GRID2IP: variants seen among roughly 807,000 people sequenced by gnomAD.
GRID2IP encodes the protein Grid2 interacting protein.
A neutral mutation model predicts 114.3 loss-of-function variants in GRID2IP; 78 were observed. That is an observed-to-expected ratio of 0.68 (90% CI 0.57 to 0.82). The LOEUF (loss-of-function observed/expected upper bound fraction) is 0.82, where lower values mean the gene tolerates loss of function less well. Among genes scored for constraint, GRID2IP ranks in the 40% least tolerant of loss-of-function variants. The pLI, the probability that GRID2IP is intolerant of heterozygous loss-of-function variation, is 0.00. For synonymous variants in GRID2IP, 809 were observed against 724.0 expected (o/e 1.12, Z -1.89); for missense variants, 1,727 against 1,678.5 (o/e 1.03, Z -0.51).
chr7:6,514,421 GAGCTCCTGCTC>G lies in GRID2IP; in HGVS notation c.1366_1376del (p.Glu456LeufsTer21). ...GGAAGCATGCGATTTTCTCCTGACA[GAGCTCCTGCTC>G]CTCATAGGTCAGCAGCTGGTAGATG... On this transcript the variant is annotated frameshift_variant, in exon 8 of 22. Coordinates refer to ENST00000457091, the MANE Select transcript of GRID2IP (RefSeq NM_001145118.2). LOFTEE classifies it high-confidence loss of function. The G allele has an allele frequency of 1.3e-6, 2 of 1,547,796 alleles. No individual in the cohort carries two copies. The highest frequency in any genetic ancestry group is 1.7e-6 in the Non-Finnish European group (2 of 1,144,676).
chr7:6,544,533 G>C (rs1362459086), intron 1 of GRID2IP, among the ~76,000 whole-genome samples: 2 of 152,068 alleles, frequency 1.3e-5, no homozygotes, highest in African/African-American at 4.8e-5. Flanking sequence ...ACCCGCCTCA[G>C]CCTCCCAATG....
rs915357231 is a variant in GRID2IP at position 6,510,961 on chromosome 7, G to A, written c.1502C>T (p.Ser501Phe). ...GGACCGGAGGCTGCGGCGGCACATGGAGGAAGCCCGCAGGGAGCTCCGCGG... is the reference window on the plus strand; with the variant it reads ...GGACCGGAGGCTGCGGCGGCACATGAAGGAAGCCCGCAGGGAGCTCCGCGG... ...PQPRSSLRAS[S>F]MCRRSLRSQG... Residue 501 changes from serine (S) to phenylalanine (F), a missense_variant, in exon 9 of 22, where the codon TCC becomes TTC. Transcript: ENST00000457091. 1.1e-5 allele frequency: 17 copies of A among 1,548,070 alleles called. No homozygotes were observed. The highest frequency in any genetic ancestry group is 1.2e-5 in the Non-Finnish European group (14 of 1,145,306).
rs1345159318 is a variant in GRID2IP, at chr7:6,522,422, C to T, written c.920-465G>A. Among the ~76,000 whole-genome samples the T allele has an allele frequency of 2.6e-5, 4 of 152,124 alleles. No homozygotes were observed. In the East Asian group the frequency reaches 5.8e-4, roughly 22 times the overall value. ...GTACTTCTTGAGTCCCTGCTCCATA[C>T]ACTGTTCTTAGCCCCACACAGAAAG... is the stretch of plus-strand genomic sequence containing the variant. On this transcript the variant is annotated intron_variant, in intron 4 of 21. Coordinates refer to ENST00000457091, the MANE Select transcript of GRID2IP (RefSeq NM_001145118.2).
At position 6,516,648 on chromosome 7, in the gene GRID2IP, A is replaced by G. The variant is rs947098409; in HGVS notation, c.1269-2119T>C. 6.6e-6 allele frequency among the ~76,000 whole-genome samples: 1 copy of G among 152,182 alleles called. No individual in the cohort carries two copies. Among genetic ancestry groups the G allele is most frequent in the African/African-American group, 2.4e-5 (1 of 41,450 alleles). ...TGCTTGCCCGCCCGCAGCCACCCAG[A>G]GGCCTAACGCTGTCCCTGTGATGCT... On this transcript the variant is annotated intron_variant, in intron 7 of 21. Coordinates refer to ENST00000457091, the MANE Select transcript of GRID2IP (RefSeq NM_001145118.2). The surrounding 1 kb of genome is among the most constrained non-coding windows in gnomAD (Gnocchi z 4.3).
At position 6,551,042 on chromosome 7, in the gene GRID2IP, T is replaced by G; in HGVS notation, c.395A>C (p.Glu132Ala). The G allele has an allele frequency of 7.8e-7, 1 of 1,274,934 alleles. No individual in the cohort carries two copies. Among genetic ancestry groups the G allele is most frequent in the South Asian group, 2.4e-5 (1 of 41,744 alleles). 79.0% of individuals were successfully genotyped at this position (1,274,934 alleles called of 1,614,324 possible). ...GAACTCTTGGGCCTTGCGCCTGCGCTCTCGGTGCACCGCGTCCGGGCGCTT... is the reference window on the plus strand; with the variant it reads ...GAACTCTTGGGCCTTGCGCCTGCGCGCTCGGTGCACCGCGTCCGGGCGCTT... ...GRKRPDAVHR[E>A]RRRKAQEFSR... Residue 132 changes from glutamate (E) to alanine (A), a missense_variant, in exon 1 of 22, where the codon GAG becomes GCG. By Grantham distance (107) the Glu-to-Ala change is moderately radical. Coordinates refer to ENST00000457091, the MANE Select transcript of GRID2IP (RefSeq NM_001145118.2).
rs915160915 is a variant in GRID2IP at position 6,520,531 on chromosome 7, T to G, written c.1268+47A>C. ...CTGGGATGTGAGTCTAGGCAGGACT[T>G]AGGGCCCACCCAGGGCAGGGCCCCA... is the stretch of plus-strand genomic sequence containing the variant. On this transcript the variant is annotated intron_variant, in intron 7 of 21. Coordinates refer to ENST00000457091, the MANE Select transcript of GRID2IP (RefSeq NM_001145118.2). The surrounding 1 kb of genome is among the most constrained non-coding windows in gnomAD (Gnocchi z 4.6). The G allele has an allele frequency of 1.3e-5, 20 of 1,526,804 alleles. No homozygotes were observed. Among genetic ancestry groups the G allele is most frequent in the Non-Finnish European group, 1.8e-5 (20 of 1,130,158 alleles). 94.6% of individuals were successfully genotyped at this position (1,526,804 alleles called of 1,614,324 possible).
chr7:6,520,817 G>A lies in GRID2IP; in HGVS notation c.1085-56C>T. On this transcript the variant is annotated intron_variant, in intron 6 of 21. Coordinates refer to ENST00000457091, the MANE Select transcript of GRID2IP (RefSeq NM_001145118.2). This position sits in a 1 kb window ranked among gnomAD's most constrained non-coding sequence, Gnocchi z 4.6. ...GTGACTCAGAGTCCCCAGGCCAGGT[G>A]TAGTCTCCCTGGCTTTTGAGGTCAG... 6.7e-7 allele frequency: 1 copy of A among 1,488,054 alleles called. No individual in the cohort carries two copies. The highest frequency in any genetic ancestry group is 9.1e-7 in the Non-Finnish European group (1 of 1,101,062). 92.2% of individuals were successfully genotyped at this position (1,488,054 alleles called of 1,614,324 possible). A position where few individuals can be genotyped will look rare whatever the true frequency, so the allele number is the denominator to read the frequency against.
chr7:6,532,460 C>T lies in GRID2IP; in HGVS notation c.585-5691G>A, dbSNP rs1320412514. On this transcript the variant is annotated intron_variant, in intron 2 of 21. Coordinates refer to ENST00000457091, the MANE Select transcript of GRID2IP (RefSeq NM_001145118.2). The surrounding 1 kb of genome is among the most constrained non-coding windows in gnomAD (Gnocchi z 4.4). ...CCGATCATCGGTCTCTGGTACTGTC[C>T]ACGCACTGCTCCCCAATACACTGCA... Among the ~76,000 whole-genome samples, 1 of 152,174 alleles carries T rather than the reference C, an allele frequency of 6.6e-6. No homozygotes were observed. The highest frequency in any genetic ancestry group is 2.4e-5 in the African/African-American group (1 of 41,436).
intron 10 of GRID2IP, 77 bp from the exon 11 acceptor site, chr7:6,510,477 C>T (rs904654585): frequency 3.4e-5 from 46 of 1,348,020 alleles, no homozygotes; most frequent in Admixed American, 2.3e-4. Context: ...CTGGGTGGGC[C>T]GGGAGGCAGG....
chr7:6,503,721 G>T, intron 15 of GRID2IP, 34 bp from the exon 16 acceptor site: 1 of 1,415,372 alleles, frequency 7.1e-7, no homozygotes, highest in Non-Finnish European at 9.3e-7. Flanking sequence ...GCTGGGCGGG[G>T]CCGGAGCGGG....
intron 7 of GRID2IP, among the ~76,000 whole-genome samples, chr7:6,517,719 A>G (rs1779336508): frequency 6.6e-6 from 1 of 151,868 alleles, no homozygotes; most frequent in Admixed American, 6.6e-5. Flanking sequence ...CCTGGCCAAC[A>G]TGGTGAAACC....
chr7:6,526,186 G>A lies in GRID2IP; in HGVS notation c.919+38C>T, dbSNP rs1160207519. The A allele has an allele frequency of 7.9e-6, 12 of 1,514,044 alleles. No homozygotes were observed. Among genetic ancestry groups the A allele is most frequent in the Non-Finnish European group, 9.9e-6 (11 of 1,113,248 alleles). 93.8% of individuals were successfully genotyped at this position (1,514,044 alleles called of 1,614,324 possible). A position where few individuals can be genotyped will look rare whatever the true frequency, so the allele number is the denominator to read the frequency against. On this transcript the variant is annotated intron_variant, in intron 4 of 21. Coordinates refer to ENST00000457091, the MANE Select transcript of GRID2IP (RefSeq NM_001145118.2). This position sits in a 1 kb window ranked among gnomAD's most constrained non-coding sequence, Gnocchi z 7.6. ...CACGGGGCCCTTCACCCCATCCTGG[G>A]CCTTAGGGACTCTTAGGGCAACCGG...
rs144749086 is a variant in GRID2IP, at chr7:6,543,890, G to A, written c.430-4018C>T. Among the ~76,000 whole-genome samples the A allele has an allele frequency of 5.9e-5, 9 of 152,192 alleles. No individual in the cohort carries two copies. The East Asian group carries it at 1.5e-3, about 26-fold the overall frequency. ...TGGCTCACTGCAACCTCCACCTCCT[G>A]AGTTCAAGCAGTTCTCCTGACTCAG... On this transcript the variant is annotated intron_variant, in intron 1 of 21. Transcript: ENST00000457091.
At chr7:6,538,390 CA>C (rs1779762237) in intron 2 of GRID2IP, among the ~76,000 whole-genome samples, 1 of 135,870 alleles carries the variant, frequency 7.4e-6, no homozygotes, top group Admixed American at 7.4e-5. Flanking sequence ...CAAAACAAAA[CA>C]AAACAAAACA....
At chr7:6,542,323 A>G (rs562945250) in intron 1 of GRID2IP, among the ~76,000 whole-genome samples, 37 of 150,998 alleles carry the variant, frequency 2.5e-4, no homozygotes, top group East Asian at 5.8e-4. Flanking sequence ...AAAAAAAAAA[A>G]AAAGAAAAAA....
At chr7:6,539,595 G>T (rs1779781433) in intron 2 of GRID2IP, 123 bp downstream of exon 2, 1 of 922,302 alleles carries the variant, frequency 1.1e-6, no homozygotes, top group Non-Finnish European at 1.6e-6. Flanking sequence ...TGCTGTTCAA[G>T]AGCAGGCTAC....
rs966471637 is a variant in GRID2IP, at chr7:6,497,606, T to C, written c.*168A>G. On this transcript the variant is annotated 3_prime_UTR_variant, in exon 22 of 22. Transcript: ENST00000457091. ...TGGGCCTGGGGGTAGGAACAAGGGCTGGCAGAGGAGGGCCCGACCACAGCT... is the reference window on the plus strand; with the variant it reads ...TGGGCCTGGGGGTAGGAACAAGGGCCGGCAGAGGAGGGCCCGACCACAGCT... 10 of 560,330 alleles carry C rather than the reference T, an allele frequency of 1.8e-5. No individual in the cohort carries two copies. Among genetic ancestry groups the C allele is most frequent in the Non-Finnish European group, 3.2e-5 (10 of 316,798 alleles). The allele number at this position is 560,330 out of a possible 1,614,324, so 34.7% of individuals were successfully genotyped here.
rs1194810333 is a variant in GRID2IP at position 6,528,006 on chromosome 7, C to A, written c.585-1237G>T. Among the ~76,000 whole-genome samples, 1 of 152,118 alleles carries A rather than the reference C, an allele frequency of 6.6e-6. No homozygotes were observed. The highest frequency in any genetic ancestry group is 1.5e-5 in the Non-Finnish European group (1 of 68,022). On this transcript the variant is annotated intron_variant, in intron 2 of 21. Transcript: ENST00000457091. The surrounding 1 kb of genome is among the most constrained non-coding windows in gnomAD (Gnocchi z 6.0). ...CTCCTGACCTCAGGTGATCTGCCCG[C>A]CTCGGCCTCCCAAAGTCCTGGGATT...
chr7:6,517,008 C>T (rs1048383697), intron 7 of GRID2IP, among the ~76,000 whole-genome samples: 2 of 151,914 alleles, frequency 1.3e-5, no homozygotes, highest in African/African-American at 2.4e-5. Flanking sequence ...TGGTAGTGGT[C>T]CCCCGGGCCC....
Sources: gnomAD v4.1 joint callset for allele counts (sites outside exome capture counted in the v4.1 genomes callset) on GRCh38, gnomAD v4.1.1 for gene constraint, Gnocchi (gnomAD v3.1) non-coding constraint, MANE v1.5 for transcripts, NCBI Gene and HGNC (gene_info 2026-07-23, HGNC 2026-07-21) for gene names.